The following RSU1 variants were observed in gnomAD, a reference collection of about 807,000 sequenced individuals.
RSU1 encodes rsu-1.
RSU1 carries 26 observed loss-of-function variants against 31.1 expected under a neutral mutation model. That is an observed-to-expected ratio of 0.84 (90% CI 0.61 to 1.16). The LOEUF (loss-of-function observed/expected upper bound fraction) is 1.16. RSU1 is among the 50% of genes most tolerant of loss of function. The pLI, the probability that RSU1 is intolerant of heterozygous loss-of-function variation, is 0.00. For missense variants in RSU1, 320 were observed against 339.1 expected, an observed-to-expected ratio of 0.94 and a Z score of 0.44; for synonymous variants, 164 against 136.3, an observed-to-expected ratio of 1.20 and a Z score of -1.41.
At chr10:16,756,810 T>G (rs1267782723) in intron 4 of RSU1, among the ~76,000 whole-genome samples, 1 of 151,710 alleles carries the variant, frequency 6.6e-6, no homozygotes, top group Non-Finnish European at 1.5e-5. Context: ...TGTGTGAGTG[T>G]GTGTGTGGGG....
At chr10:16,760,266 T>G (rs1484485255) in intron 4 of RSU1, among the ~76,000 whole-genome samples, 1 of 152,118 alleles carries the variant, frequency 6.6e-6, no homozygotes, top group Non-Finnish European at 1.5e-5. Context: ...TCCCAGCATT[T>G]TGGGAGGCCG....
chr10:16,817,282 A>G (rs974508618), intron 1 of RSU1, 33 bp downstream of exon 1: 3 of 578,370 alleles, frequency 5.2e-6, no homozygotes, highest in East Asian at 5.8e-5. Flanking sequence ...CGCAGCGAGA[A>G]GCAACCCCAA....
At chr10:16,615,974 C>A (rs1013629071) in intron 8 of RSU1, among the ~76,000 whole-genome samples, 20 of 151,980 alleles carry the variant, frequency 1.3e-4, no homozygotes, top group African/African-American at 4.3e-4. Flanking sequence ...ACTAGAGAAG[C>A]AAGAGCATAC....
At chr10:16,727,548 T>C (rs180881913) in intron 7 of RSU1, among the ~76,000 whole-genome samples, 3 of 152,194 alleles carry the variant, frequency 2.0e-5, no homozygotes, top group Non-Finnish European at 2.9e-5. Flanking sequence ...TCTCTAAAAA[T>C]ATACAAAATG....
intron 2 of RSU1, among the ~76,000 whole-genome samples, chr10:16,806,800 C>A (rs1188388569): frequency 6.6e-6 from 1 of 152,176 alleles, no homozygotes; most frequent in Non-Finnish European, 1.5e-5. Context: ...GTCGCCCAGG[C>A]TGGAGTACAA....
intron 7 of RSU1, among the ~76,000 whole-genome samples, chr10:16,728,621 C>G (rs1328802947): frequency 1.3e-5 from 2 of 152,150 alleles, no homozygotes; most frequent in East Asian, 3.8e-4. Flanking sequence ...ATCCCTGGAA[C>G]CTGCGCATAT....
At chr10:16,763,382 A>G (rs1837247041) in intron 4 of RSU1, among the ~76,000 whole-genome samples, 1 of 152,156 alleles carries the variant, frequency 6.6e-6, no homozygotes, top group Admixed American at 6.5e-5. Context: ...AAGGCAATGC[A>G]GGAGTATGCT....
chr10:16,674,432 A>G (rs1404267632), intron 8 of RSU1, among the ~76,000 whole-genome samples: 1 of 151,064 alleles, frequency 6.6e-6, no homozygotes, highest in Non-Finnish European at 1.5e-5. Flanking sequence ...CCTCTAACAG[A>G]AATGTTTACA....
At position 16,629,296 on chromosome 10, in the gene RSU1, T is replaced by C. The variant is rs555702961; in HGVS notation, c.732-35800A>G. Reference sequence around the variant, plus strand: ...CTACTTGAGTATCAGATGTTTATGCTGCTGAACCGGCCCCTACCCTCCTTA... The same window carrying C: ...CTACTTGAGTATCAGATGTTTATGCCGCTGAACCGGCCCCTACCCTCCTTA... On this transcript the variant is annotated intron_variant, in intron 8 of 8. Coordinates refer to ENST00000345264, the MANE Select transcript of RSU1 (RefSeq NM_012425.4). 7.2e-5 allele frequency among the ~76,000 whole-genome samples: 11 copies of C among 152,274 alleles called. No individual in the cohort carries two copies. The East Asian group carries it at 1.9e-3, about 27-fold the overall frequency.
chr10:16,716,142 C>G (rs1013175522), intron 7 of RSU1, among the ~76,000 whole-genome samples: 7 of 152,136 alleles, frequency 4.6e-5, no homozygotes, highest in Non-Finnish European at 7.3e-5. Context: ...ATTATGGAAA[C>G]TGAAACTATC....
chr10:16,793,842 G>A (rs568968667), intron 2 of RSU1, among the ~76,000 whole-genome samples: 1 of 151,274 alleles, frequency 6.6e-6, no homozygotes, highest in Non-Finnish European at 1.5e-5. Flanking sequence ...TTGTCAACTT[G>A]ACTGGGCTAC....
At chr10:16,604,464 C>G (rs1033982541) in intron 8 of RSU1, among the ~76,000 whole-genome samples, 8 of 147,074 alleles carry the variant, frequency 5.4e-5, no homozygotes, top group African/African-American at 1.8e-4. Flanking sequence ...CAGAAAACAA[C>G]ACAGCACCGC....
chr10:16,671,424 A>G (rs1287783778), intron 8 of RSU1, among the ~76,000 whole-genome samples: 1 of 152,078 alleles, frequency 6.6e-6, no homozygotes, highest in Non-Finnish European at 1.5e-5. Flanking sequence ...GCAATTAGTC[A>G]TTTCCTCAAA....
intron 8 of RSU1, among the ~76,000 whole-genome samples, chr10:16,687,419 C>G (rs768065300): frequency 6.6e-6 from 1 of 152,034 alleles, no homozygotes; most frequent in Admixed American, 6.5e-5. Context: ...CCTGTGAAAA[C>G]ATCATATATT....
At chr10:16,689,491 A>C (rs1835500435) in intron 8 of RSU1, among the ~76,000 whole-genome samples, 1 of 152,250 alleles carries the variant, frequency 6.6e-6, no homozygotes, top group African/African-American at 2.4e-5. Flanking sequence ...ACAGCTTGTA[A>C]CAGGTTTGCA....
intron 8 of RSU1, among the ~76,000 whole-genome samples, chr10:16,660,306 G>C (rs756219267): frequency 6.6e-6 from 1 of 152,156 alleles, no homozygotes; most frequent in Non-Finnish European, 1.5e-5. Context: ...GGGAGCAGGG[G>C]GAATTGGCTT....
At chr10:16,786,301 T>C (rs544360732) in intron 2 of RSU1, among the ~76,000 whole-genome samples, 6 of 152,330 alleles carry the variant, frequency 3.9e-5, no homozygotes, top group African/African-American at 1.4e-4. Context: ...TTATTTACAG[T>C]GATGGTTAAA....
chr10:16,810,757 T>C (rs1306772522), intron 2 of RSU1, among the ~76,000 whole-genome samples: 1 of 152,114 alleles, frequency 6.6e-6, no homozygotes, highest in Non-Finnish European at 1.5e-5. Flanking sequence ...CTTAATAATG[T>C]TTCACTCAAC....
intron 3 of RSU1, among the ~76,000 whole-genome samples, chr10:16,769,501 C>T (rs911171197): frequency 6.6e-6 from 1 of 152,204 alleles, no homozygotes; most frequent in Admixed American, 6.5e-5. Flanking sequence ...CACAGCCCTA[C>T]CCGATGGCAG....
Sources: allele counts gnomAD v4.1 joint callset (sites outside exome capture counted in the v4.1 genomes callset), GRCh38; gene constraint gnomAD v4.1.1; transcripts MANE v1.5; gene names NCBI Gene and HGNC (gene_info 2026-07-23, HGNC 2026-07-21).